Variants in CNTNAP5 observed in about 807,000 individuals in gnomAD.
CNTNAP5 encodes the protein contactin-associated protein-like 5.
Under a neutral mutation model 150.2 loss-of-function variants are expected in CNTNAP5, and 72 were observed. The ratio of observed to expected loss-of-function variants is 0.48; its 90% CI spans 0.40 to 0.58. CNTNAP5 has a LOEUF of 0.58. CNTNAP5 is among the 20% of genes least tolerant of loss of function. CNTNAP5 has a pLI of 0.00. For synonymous variants in CNTNAP5, 672 were observed against 619.8 expected (o/e 1.08, Z -1.25); for missense variants, 1,636 against 1,626.2 (o/e 1.01, Z -0.10).
chr2:124,223,420 T>G (rs1232905111), intron 2 of CNTNAP5, among the ~76,000 whole-genome samples: 1 of 152,128 alleles, frequency 6.6e-6, no homozygotes, highest in Non-Finnish European at 1.5e-5. Context: ...CCTTGCAACA[T>G]TATGTGCAGA....
chr2:124,898,261 A>T (rs575907935), intron 21 of CNTNAP5, among the ~76,000 whole-genome samples: 11 of 151,638 alleles, frequency 7.3e-5, no homozygotes, highest in African/African-American at 2.7e-4. Context: ...TTCAGAATTC[A>T]AGTGTCATAA....
At chr2:124,127,495 T>C (rs1270404059) in intron 1 of CNTNAP5, among the ~76,000 whole-genome samples, 2 of 152,142 alleles carry the variant, frequency 1.3e-5, no homozygotes, top group Admixed American at 6.5e-5. Flanking sequence ...CAAGGTAATT[T>C]ATAGATTTAA....
In CNTNAP5 at chr2:124,869,717, G is replaced by A. The variant is rs1240405090; in HGVS notation, c.3391G>A (p.Val1131Ile). Residue 1131 changes from valine (V) to isoleucine (I), a missense_variant, in exon 21 of 24, where the codon GTA becomes ATA. Val to Ile is a conservative substitution (Grantham distance 29). Transcript: ENST00000682447. The part of the protein sequence containing the change: ...LRLSYNFSPE[V>I]EFRVIRSLTL... ...ACTCAGTTATAACTTCTCTCCGGAA[G>A]TAGAGTTCAGGGTTATAAGGTCACT... is the stretch of plus-strand genomic sequence containing the variant. 2 of 1,612,238 alleles carry A rather than the reference G, an allele frequency of 1.2e-6. No homozygotes were observed. Among genetic ancestry groups the A allele is most frequent in the African/African-American group, 1.3e-5 (1 of 74,858 alleles).
intron 7 of CNTNAP5, among the ~76,000 whole-genome samples, chr2:124,501,909 C>T (rs562073192): frequency 9.5e-4 from 145 of 152,220 alleles, no homozygotes; most frequent in Non-Finnish European, 1.6e-3. Flanking sequence ...TTAGAGAATA[C>T]AGTAGAGGCA....
At position 124,554,402 on chromosome 2, in the gene CNTNAP5, C is replaced by T. The variant is rs996105477; in HGVS notation, c.1650-8815C>T. Among the ~76,000 whole-genome samples, 8 of 149,174 alleles carry T rather than the reference C, an allele frequency of 5.4e-5. No individual in the cohort carries two copies. The Admixed American group carries it at 5.5e-4, about 10-fold the overall frequency. On this transcript the variant is annotated intron_variant, in intron 10 of 23. Coordinates refer to ENST00000682447, the MANE Select transcript of CNTNAP5 (RefSeq NM_001367498.1). ...GAAGATTTCAATTAAGGATCTAAATCAGTTGTCTCATACTTTTTTCTTTTT... is the reference window on the plus strand; with the variant it reads ...GAAGATTTCAATTAAGGATCTAAATTAGTTGTCTCATACTTTTTTCTTTTT...
chr2:124,074,185 G>A (rs1248657774), intron 1 of CNTNAP5, among the ~76,000 whole-genome samples: 1 of 152,034 alleles, frequency 6.6e-6, no homozygotes, highest in Non-Finnish European at 1.5e-5. Flanking sequence ...GATTATCAGA[G>A]GCTGGGAAGG....
intron 10 of CNTNAP5, among the ~76,000 whole-genome samples, chr2:124,547,524 C>A (rs1695540501): frequency 6.6e-6 from 1 of 152,102 alleles, no homozygotes; most frequent in South Asian, 2.1e-4. Context: ...GTGTGAGGCC[C>A]TTTAGAACCC....
intron 1 of CNTNAP5, among the ~76,000 whole-genome samples, chr2:124,094,811 C>T (rs537006365): frequency 1.3e-5 from 2 of 152,208 alleles, no homozygotes; most frequent in African/African-American, 2.4e-5. Flanking sequence ...TGTGAAGGCA[C>T]CTCTCTCCAG....
intron 3 of CNTNAP5, among the ~76,000 whole-genome samples, chr2:124,361,962 C>G (rs1429707457): frequency 2.0e-5 from 3 of 152,206 alleles, no homozygotes; most frequent in African/African-American, 7.2e-5. Context: ...ATCAGCGAGA[C>G]TTCGTGGGCG....
chr2:124,802,423 G>A (rs1681989726), intron 19 of CNTNAP5, among the ~76,000 whole-genome samples: 1 of 152,132 alleles, frequency 6.6e-6, no homozygotes, highest in East Asian at 1.9e-4. Flanking sequence ...AGGAAAACAG[G>A]TACTTCTTCC....
chr2:124,565,896 G>A lies in CNTNAP5; in HGVS notation c.1756+2573G>A, dbSNP rs181419250. On this transcript the variant is annotated intron_variant, in intron 11 of 23. Coordinates refer to ENST00000682447, the MANE Select transcript of CNTNAP5 (RefSeq NM_001367498.1). ...TTACAGGCGTGAGCCACCACGCCCG[G>A]CCTTTACCTAGTTCTTCTATGTGAA... Among the ~76,000 whole-genome samples, 33 of 151,260 alleles carry A rather than the reference G, an allele frequency of 2.2e-4. 1 individual carries two copies. In the East Asian group the frequency reaches 6.0e-3, roughly 28 times the overall value.
intron 2 of CNTNAP5, among the ~76,000 whole-genome samples, chr2:124,224,291 C>G (rs1686403140): frequency 6.6e-6 from 1 of 152,078 alleles, no homozygotes; most frequent in Non-Finnish European, 1.5e-5. Flanking sequence ...CCTTGACACA[C>G]AGTTGGCACA....
At chr2:124,310,261 C>T (rs1688792009) in intron 3 of CNTNAP5, among the ~76,000 whole-genome samples, 1 of 151,948 alleles carries the variant, frequency 6.6e-6, no homozygotes, top group Non-Finnish European at 1.5e-5. Flanking sequence ...ATTGCGGTCC[C>T]TGATGTAGAT....
At chr2:124,558,864 C>T (rs1695822666) in intron 10 of CNTNAP5, among the ~76,000 whole-genome samples, 1 of 152,164 alleles carries the variant, frequency 6.6e-6, no homozygotes, top group African/African-American at 2.4e-5. Context: ...TGAAAGTGTG[C>T]TTGCCAGGAT....
At chr2:124,679,852 A>T (rs1263229589) in intron 13 of CNTNAP5, among the ~76,000 whole-genome samples, 1 of 151,802 alleles carries the variant, frequency 6.6e-6, no homozygotes, top group Non-Finnish European at 1.5e-5. Context: ...GGCATGAGCC[A>T]CCTCATTGGC....
At chr2:124,153,627 T>G (rs868780954) in intron 1 of CNTNAP5, among the ~76,000 whole-genome samples, 2,159 of 143,170 alleles carry the variant, frequency 0.015, 5 homozygotes, top group Non-Finnish European at 0.022. Flanking sequence ...TTTTTTTTTT[T>G]GAGACAGAGT....
At chr2:124,029,065 A>G (rs1257163421) in intron 1 of CNTNAP5, among the ~76,000 whole-genome samples, 3 of 152,102 alleles carry the variant, frequency 2.0e-5, no homozygotes, top group Non-Finnish European at 4.4e-5. Flanking sequence ...CATCACTTTG[A>G]ATGATTTCCA....
At chr2:124,516,024 G>A (rs1405915984) in intron 8 of CNTNAP5, among the ~76,000 whole-genome samples, 1 of 152,018 alleles carries the variant, frequency 6.6e-6, no homozygotes, top group South Asian at 2.1e-4. Context: ...GAAAAGAGGG[G>A]GACCACTAAA....
intron 16 of CNTNAP5, among the ~76,000 whole-genome samples, chr2:124,769,829 C>T (rs539288740): frequency 3.2e-4 from 48 of 152,252 alleles, no homozygotes; most frequent in Non-Finnish European, 4.9e-4. Context: ...GGTCAGCTTA[C>T]TTAGGTACAG....
Sources: gnomAD v4.1 joint callset for allele counts (sites outside exome capture counted in the v4.1 genomes callset) on GRCh38, gnomAD v4.1.1 for gene constraint, MANE v1.5 for transcripts, NCBI Gene and HGNC (gene_info 2026-07-23, HGNC 2026-07-21) for gene names.